CTNNA3: variants seen among roughly 807,000 people sequenced by gnomAD.
CTNNA3 encodes the protein catenin alpha-3.
A neutral mutation model predicts 95.7 loss-of-function variants in CTNNA3; 76 were observed. That is an observed-to-expected ratio of 0.79 (90% CI 0.66 to 0.96). The LOEUF (loss-of-function observed/expected upper bound fraction) is 0.96, where lower values mean the gene tolerates loss of function less well. Ranked by LOEUF, CTNNA3 falls within the 40% of genes least tolerant of loss-of-function variation. The pLI is 0.00. For synonymous variants in CTNNA3, 431 were observed against 374.4 expected, an observed-to-expected ratio of 1.15 and a Z score of -1.74; for missense variants, 1,191 against 1,089.8, an observed-to-expected ratio of 1.09 and a Z score of -1.31.
chr10:66,463,886 A>ATTTTTTT (rs112075327), intron 11 of CTNNA3, among the ~76,000 whole-genome samples: 33 of 143,772 alleles, frequency 2.3e-4, no homozygotes, highest in African/African-American at 8.3e-4. Flanking sequence ...TCACTTTCCA[A>ATTTTTTT]TTTTTTTTTT....
At chr10:67,324,793 T>A (rs1841474847) in intron 5 of CTNNA3, among the ~76,000 whole-genome samples, 1 of 152,080 alleles carries the variant, frequency 6.6e-6, no homozygotes, top group Admixed American at 6.6e-5. Flanking sequence ...TCACTTTTGT[T>A]TGGAATAGTT....
chr10:67,393,302 G>A (rs1844583070), intron 5 of CTNNA3, among the ~76,000 whole-genome samples: 1 of 151,952 alleles, frequency 6.6e-6, no homozygotes, highest in Non-Finnish European at 1.5e-5. Flanking sequence ...ATAAAATGTG[G>A]CAAAGGGCCC....
At chr10:66,620,263 T>C (rs146456713) in intron 10 of CTNNA3, among the ~76,000 whole-genome samples, 35 of 152,242 alleles carry the variant, frequency 2.3e-4, no homozygotes, top group Middle Eastern at 3.4e-3. Flanking sequence ...CTTCAAATCT[T>C]CTGTGACTGA....
chr10:66,594,780 C>T (rs919003891), intron 10 of CTNNA3, among the ~76,000 whole-genome samples: 1 of 152,130 alleles, frequency 6.6e-6, no homozygotes, highest in Non-Finnish European at 1.5e-5. Context: ...GCCAGATCAT[C>T]TAAGTATGAA....
chr10:67,030,737 G>C (rs1418220343), intron 7 of CTNNA3, among the ~76,000 whole-genome samples: 1 of 152,162 alleles, frequency 6.6e-6, no homozygotes. Context: ...CAGATGCGGT[G>C]GCTCACGCCT....
At chr10:66,561,248 C>A (rs949929803) in intron 10 of CTNNA3, among the ~76,000 whole-genome samples, 1 of 151,918 alleles carries the variant, frequency 6.6e-6, no homozygotes, top group Admixed American at 6.6e-5. Flanking sequence ...CTTTAAAATT[C>A]TTTTTGTTCC....
chr10:65,957,409 T>C (rs1241943361), intron 17 of CTNNA3, among the ~76,000 whole-genome samples: 9 of 152,228 alleles, frequency 5.9e-5, no homozygotes, highest in Non-Finnish European at 1.5e-5. Context: ...AATATTGTTA[T>C]GTGTGAATTT....
At chr10:66,018,325 T>C (rs2079135524) in intron 15 of CTNNA3, among the ~76,000 whole-genome samples, 3 of 152,148 alleles carry the variant, frequency 2.0e-5, no homozygotes. Context: ...AGTTTAGTTT[T>C]ATTCAGTAAA....
At chr10:66,178,587 A>G (rs1471684918) in intron 13 of CTNNA3, among the ~76,000 whole-genome samples, 2 of 151,388 alleles carry the variant, frequency 1.3e-5, no homozygotes, top group Non-Finnish European at 3.0e-5. Flanking sequence ...AAATTAGATT[A>G]TATTACTCTG....
intron 15 of CTNNA3, among the ~76,000 whole-genome samples, chr10:66,051,913 A>C (rs1392253826): frequency 6.6e-6 from 1 of 152,184 alleles, no homozygotes; most frequent in African/African-American, 2.4e-5. Flanking sequence ...TAAAACATTT[A>C]ACAGCCCAAA....
intron 14 of CTNNA3, among the ~76,000 whole-genome samples, chr10:66,070,931 T>C (rs1329809102): frequency 6.6e-6 from 1 of 152,118 alleles, no homozygotes; most frequent in Non-Finnish European, 1.5e-5. Flanking sequence ...AGTTGGGCAA[T>C]AGTTTGCAAA....
intron 11 of CTNNA3, among the ~76,000 whole-genome samples, chr10:66,512,693 A>G (rs12265245): frequency 0.18 from 28,024 of 152,006 alleles, 2,818 homozygotes; most frequent in African/African-American, 0.27. Context: ...TCAGTTTAAC[A>G]GTGATTAATT....
intron 5 of CTNNA3, among the ~76,000 whole-genome samples, chr10:67,389,017 A>G (rs1381304976): frequency 1.3e-4 from 19 of 151,692 alleles, no homozygotes; most frequent in Non-Finnish European, 2.5e-4. Context: ...GAGCAAAATA[A>G]CCAGCTAACA....
intron 3 of CTNNA3, among the ~76,000 whole-genome samples, chr10:67,571,432 G>A (rs1336045281): frequency 6.6e-6 from 1 of 152,004 alleles, no homozygotes; most frequent in African/African-American, 2.4e-5. Context: ...GTGATCCTTG[G>A]AAAACAAGTG....
intron 14 of CTNNA3, among the ~76,000 whole-genome samples, chr10:66,100,828 T>C (rs1376034127): frequency 6.6e-6 from 1 of 152,202 alleles, no homozygotes; most frequent in African/African-American, 2.4e-5. Context: ...AACACTTCCA[T>C]ATGCATTATC....
intron 10 of CTNNA3, among the ~76,000 whole-genome samples, chr10:66,613,773 GAAAT>G (rs2132292891): frequency 6.6e-6 from 1 of 152,134 alleles, no homozygotes; most frequent in Non-Finnish European, 1.5e-5. Flanking sequence ...GAAGTGAAAA[GAAAT>G]AAATTAGGCA....
At chr10:67,607,311 A>G (rs1228426304) in intron 2 of CTNNA3, among the ~76,000 whole-genome samples, 1 of 152,252 alleles carries the variant, frequency 6.6e-6, no homozygotes, top group African/African-American at 2.4e-5. Flanking sequence ...TATGTACTAT[A>G]TAACTATATT....
chr10:67,092,883 G>A (rs561427353), intron 7 of CTNNA3, among the ~76,000 whole-genome samples: 6 of 151,926 alleles, frequency 3.9e-5, no homozygotes, highest in Admixed American at 3.9e-4. Context: ...TATTCCTAAG[G>A]GAATTTCCTA....
At chr10:67,233,426 A>C (rs1564498966) in intron 5 of CTNNA3, among the ~76,000 whole-genome samples, 3 of 149,446 alleles carry the variant, frequency 2.0e-5, no homozygotes, top group Admixed American at 6.7e-5. Context: ...GTACATAACG[A>C]AATGAAGGCA....
Sources: gnomAD v4.1 joint callset for allele counts (sites outside exome capture counted in the v4.1 genomes callset) on GRCh38, gnomAD v4.1.1 for gene constraint, MANE v1.5 for transcripts, NCBI Gene and HGNC (gene_info 2026-07-23, HGNC 2026-07-21) for gene names.